CHN1: variants seen among roughly 807,000 people sequenced by gnomAD.
The protein encoded by CHN1 is N-chimaerin.
In CHN1, 37 loss-of-function variants were observed where a neutral mutation model predicts 59.5. The ratio of observed to expected loss-of-function variants is 0.62; its 90% CI spans 0.48 to 0.82. CHN1 has a LOEUF of 0.82. CHN1 is among the 40% of genes least tolerant of loss of function. The probability of loss-of-function intolerance (pLI) is 0.00; values close to 1 mark genes in which losing one functional copy is unlikely to be tolerated. For missense variants in CHN1, 469 were observed against 571.0 expected, an observed-to-expected ratio of 0.82 and a Z score of 1.82; for synonymous variants, 206 against 200.4, an observed-to-expected ratio of 1.03 and a Z score of -0.24.
In CHN1 at chr2:174,878,228, G is replaced by A. The variant is rs1687634299; in HGVS notation, c.261-100C>T. ...CAAAAAAAAACTATCGCTTTGTTTT[G>A]TGTGTGTCTTCTTTGTTTAAATAAG... On this transcript the variant is annotated intron_variant, in intron 5 of 12. Coordinates refer to ENST00000409900, the MANE Select transcript of CHN1 (RefSeq NM_001822.7). 4 of 1,071,694 alleles carry A rather than the reference G, an allele frequency of 3.7e-6. No homozygotes were observed. The African/African-American group carries it at 6.4e-5, about 17-fold the overall frequency. 66.4% of individuals were successfully genotyped at this position (1,071,694 alleles called of 1,614,324 possible). A position where few individuals can be genotyped will look rare whatever the true frequency, so the allele number is the denominator to read the frequency against.
intron 7 of CHN1, among the ~76,000 whole-genome samples, chr2:174,833,074 A>C (rs938967068): frequency 1.3e-5 from 2 of 152,126 alleles, no homozygotes; most frequent in African/African-American, 4.8e-5. Context: ...TGAATCTTCC[A>C]GTTCACTTGA....
chr2:174,819,419 A>G (rs532187016), intron 8 of CHN1, among the ~76,000 whole-genome samples: 1 of 152,288 alleles, frequency 6.6e-6, no homozygotes, highest in Non-Finnish European at 1.5e-5. Flanking sequence ...CCAACATTAA[A>G]CTGATATGTC....
chr2:175,000,305 C>A (rs748808818), intron 1 of CHN1, among the ~76,000 whole-genome samples: 1 of 151,752 alleles, frequency 6.6e-6, no homozygotes, highest in South Asian at 2.1e-4. Context: ...CCATGCCAGG[C>A]TAATTTTTGT....
intron 2 of CHN1, 166 bp from the exon 3 acceptor site, chr2:174,945,109 T>C (rs1409473291): frequency 5.4e-6 from 3 of 554,372 alleles, no homozygotes; most frequent in Non-Finnish European, 3.3e-6. Context: ...AAACTACATA[T>C]AGTGAAAGCC....
At chr2:174,987,358 T>C (rs1456662423) in intron 1 of CHN1, among the ~76,000 whole-genome samples, 1 of 151,938 alleles carries the variant, frequency 6.6e-6, no homozygotes, top group East Asian at 1.9e-4. Flanking sequence ...GCCATATACA[T>C]AGAAACTCAA....
At chr2:174,824,273 CA>C (rs551574694) in intron 8 of CHN1, among the ~76,000 whole-genome samples, 160 bp downstream of exon 8, 187 of 152,234 alleles carry the variant, frequency 1.2e-3, no homozygotes, top group African/African-American at 4.3e-3. Context: ...GATAAAATAT[CA>C]AATTTCCAAA....
rs938294039 is a variant in CHN1, at chr2:174,984,518, A to G, written c.19+20376T>C. 7.9e-5 allele frequency among the ~76,000 whole-genome samples: 12 copies of G among 151,896 alleles called. No individual in the cohort carries two copies. In the South Asian group the frequency reaches 1.9e-3, roughly 24 times the overall value. ...CAAGTAGCTGGGACTACAGGTGTGT[A>G]CCACCACACCCAGCTAATTTTTGTA... On this transcript the variant is annotated intron_variant, in intron 1 of 12. Transcript: ENST00000409900.
chr2:174,815,272 C>T lies in CHN1; in HGVS notation c.713-2790G>A, dbSNP rs960203678. ...TGCGCCTGTAGTTCCAGCTACTCAG[C>T]GGGCTTGTGGTGGGAGGATTGCCTG... On this transcript the variant is annotated intron_variant, in intron 8 of 12. Coordinates refer to ENST00000409900, the MANE Select transcript of CHN1 (RefSeq NM_001822.7). 1.2e-4 allele frequency among the ~76,000 whole-genome samples: 18 copies of T among 152,054 alleles called. 1 individual carries two copies. The East Asian group carries it at 2.1e-3, about 18-fold the overall frequency.
intron 5 of CHN1, among the ~76,000 whole-genome samples, chr2:174,911,296 T>C (rs1688694575): frequency 6.6e-6 from 1 of 152,238 alleles, no homozygotes. Flanking sequence ...AGGTTACTTG[T>C]AACTGATATT....
At chr2:174,957,168 A>T (rs1473739251) in intron 1 of CHN1, among the ~76,000 whole-genome samples, 3 of 152,172 alleles carry the variant, frequency 2.0e-5, no homozygotes, top group African/African-American at 7.2e-5. Context: ...TGCTCTTAGG[A>T]ACACTGTCTA....
chr2:174,846,150 G>A (rs1020544178), intron 7 of CHN1, among the ~76,000 whole-genome samples: 1 of 152,078 alleles, frequency 6.6e-6, no homozygotes, highest in Non-Finnish European at 1.5e-5. Flanking sequence ...TTTAATCTCT[G>A]AATTAGATTG....
intron 1 of CHN1, among the ~76,000 whole-genome samples, chr2:174,953,828 G>A (rs1377523742): frequency 6.6e-6 from 1 of 152,084 alleles, no homozygotes; most frequent in Non-Finnish European, 1.5e-5. Flanking sequence ...CCATGCTCAC[G>A]GATGCATAGC....
intron 1 of CHN1, among the ~76,000 whole-genome samples, chr2:174,960,699 GT>G: frequency 6.6e-6 from 1 of 152,254 alleles, no homozygotes; most frequent in Middle Eastern, 3.4e-3. Flanking sequence ...GTGCACACCT[GT>G]AGTCCCAGCT....
chr2:174,897,430 T>C (rs774926639), intron 5 of CHN1, among the ~76,000 whole-genome samples: 3 of 151,228 alleles, frequency 2.0e-5, no homozygotes, highest in Non-Finnish European at 4.4e-5. Flanking sequence ...TGCTTGTGTG[T>C]GTGTGTGTGT....
chr2:174,947,709 C>G (rs886171902), intron 2 of CHN1, among the ~76,000 whole-genome samples: 1 of 152,028 alleles, frequency 6.6e-6, no homozygotes, highest in African/African-American at 2.4e-5. Flanking sequence ...GTCTCAAACT[C>G]CTGAGCTCAA....
intron 1 of CHN1, among the ~76,000 whole-genome samples, chr2:174,964,903 G>C (rs1559001048): frequency 6.6e-6 from 1 of 152,026 alleles, no homozygotes; most frequent in Non-Finnish European, 1.5e-5. Flanking sequence ...TTTTAAACAA[G>C]ATTTAGTGTT....
chr2:174,860,472 T>C lies in CHN1; in HGVS notation c.550-13515A>G, dbSNP rs144874838. Among the ~76,000 whole-genome samples, 1,063 of 152,288 alleles carry C rather than the reference T, an allele frequency of 7.0e-3. 12 individuals are homozygous for C. Among genetic ancestry groups the C allele is most frequent in the African/African-American group, 0.024 (993 of 41,558 alleles). ...AAACTTCATAAAACCCACAAATTCA[T>C]TTAATGAAACTACTGAAATGCTCAA... On this transcript the variant is annotated intron_variant, in intron 6 of 12. Transcript: ENST00000409900.
intron 5 of CHN1, among the ~76,000 whole-genome samples, chr2:174,912,952 A>G (rs1688744076): frequency 6.6e-6 from 1 of 152,202 alleles, no homozygotes. Context: ...CATTTCCATC[A>G]AGATTTACTG....
At chr2:174,894,821 C>T (rs1574137212) in intron 5 of CHN1, among the ~76,000 whole-genome samples, 1 of 152,034 alleles carries the variant, frequency 6.6e-6, no homozygotes, top group Non-Finnish European at 1.5e-5. Context: ...TGGTCAACCA[C>T]GGTCTGAAAA....
Sources: allele counts gnomAD v4.1 joint callset (sites outside exome capture counted in the v4.1 genomes callset), GRCh38; gene constraint gnomAD v4.1.1; transcripts MANE v1.5; gene names NCBI Gene and HGNC (gene_info 2026-07-23, HGNC 2026-07-21).